The following SMAP1 variants were observed in gnomAD, a reference collection of about 807,000 sequenced individuals.
SMAP1 encodes small ArfGAP 1.
In SMAP1, 24 loss-of-function variants were observed where a neutral mutation model predicts 58.5. The ratio of observed to expected loss-of-function variants is 0.41; its 90% confidence interval spans 0.30 to 0.58. The LOEUF (loss-of-function observed/expected upper bound fraction) is 0.58. Among genes scored for constraint, SMAP1 ranks in the 20% least tolerant of loss-of-function variants. The probability of loss-of-function intolerance (pLI) is 0.29; values close to 1 mark genes in which losing one functional copy is unlikely to be tolerated. For missense variants in SMAP1, 563 were observed against 566.3 expected (o/e 0.99, Z 0.06); for synonymous variants, 216 against 196.6 (o/e 1.10, Z -0.82).
At chr6:70,681,471 C>T (rs956598042) in intron 1 of SMAP1, among the ~76,000 whole-genome samples, 3 of 152,124 alleles carry the variant, frequency 2.0e-5, no homozygotes, top group South Asian at 2.1e-4. Flanking sequence ...TTACTTCTTT[C>T]GCTGATGTTA....
intron 3 of SMAP1, among the ~76,000 whole-genome samples, chr6:70,760,105 C>T (rs1766688043): frequency 1.3e-5 from 2 of 152,022 alleles, no homozygotes; most frequent in Non-Finnish European, 2.9e-5. Flanking sequence ...TGAGTAAAAT[C>T]AGTGCTGCCA....
intron 6 of SMAP1, among the ~76,000 whole-genome samples, chr6:70,807,857 C>G (rs1769205276): frequency 6.6e-6 from 1 of 152,036 alleles, no homozygotes; most frequent in African/African-American, 2.4e-5. Context: ...CCTCATATAA[C>G]TTTTGATTCC....
chr6:70,837,087 T>G, intron 7 of SMAP1, 59 bp downstream of exon 7: 4 of 1,278,980 alleles, frequency 3.1e-6, no homozygotes, highest in Non-Finnish European at 4.3e-6. Context: ...AACCTTTACT[T>G]GGAGTGAATA....
chr6:70,736,754 T>G (rs1765632939), intron 2 of SMAP1, among the ~76,000 whole-genome samples: 1 of 152,202 alleles, frequency 6.6e-6, no homozygotes, highest in African/African-American at 2.4e-5. Flanking sequence ...TCTTAATTCT[T>G]TTCTTGCTTC....
At chr6:70,774,676 C>T (rs1262309944) in intron 4 of SMAP1, among the ~76,000 whole-genome samples, 2 of 147,532 alleles carry the variant, frequency 1.4e-5, no homozygotes, top group African/African-American at 4.9e-5. Context: ...CCCAGGAGTT[C>T]AAGACCAGGC....
intron 5 of SMAP1, among the ~76,000 whole-genome samples, chr6:70,794,361 T>C (rs1768504084): frequency 6.6e-6 from 1 of 152,218 alleles, no homozygotes; most frequent in South Asian, 2.1e-4. Flanking sequence ...CCCATGCTGT[T>C]AATATTACTT....
intron 7 of SMAP1, among the ~76,000 whole-genome samples, chr6:70,849,137 T>C (rs1771093783): frequency 1.3e-5 from 2 of 152,142 alleles, no homozygotes; most frequent in South Asian, 2.1e-4. Context: ...GAGAAAAATC[T>C]TGGTGAGGCC....
At chr6:70,695,871 T>C (rs1767381042) in intron 1 of SMAP1, among the ~76,000 whole-genome samples, 1 of 152,208 alleles carries the variant, frequency 6.6e-6, no homozygotes, top group Admixed American at 6.5e-5. Context: ...TCTTTAAATG[T>C]TTGATAGAAT....
intron 6 of SMAP1, among the ~76,000 whole-genome samples, chr6:70,808,264 A>G (rs987813646): frequency 6.6e-6 from 1 of 152,162 alleles, no homozygotes; most frequent in African/African-American, 2.4e-5. Context: ...GAAACTTCTG[A>G]TCATGTGTTA....
chr6:70,689,016 T>G (rs1030245614), intron 1 of SMAP1, among the ~76,000 whole-genome samples: 2 of 152,100 alleles, frequency 1.3e-5, no homozygotes, highest in Non-Finnish European at 1.5e-5. Flanking sequence ...TTTGAGAACA[T>G]TTAGACAGAG....
At chr6:70,855,049 T>TACA (rs1405664465) in intron 8 of SMAP1, among the ~76,000 whole-genome samples, 26 of 148,462 alleles carry the variant, frequency 1.8e-4, no homozygotes, top group Admixed American at 7.6e-4. Context: ...TTCCTGTTCT[T>TACA]TCATATACAT....
At chr6:70,770,063 G>A (rs547140292) in intron 3 of SMAP1, among the ~76,000 whole-genome samples, 2 of 151,644 alleles carry the variant, frequency 1.3e-5, no homozygotes, top group East Asian at 1.9e-4. Context: ...TTTTAAGAAT[G>A]TTGAATATTG....
intron 6 of SMAP1, among the ~76,000 whole-genome samples, chr6:70,821,622 CT>C (rs1769895242): frequency 6.6e-6 from 1 of 152,116 alleles, no homozygotes; most frequent in Admixed American, 6.5e-5. Flanking sequence ...TTGCTCTGTT[CT>C]TACTGTTTTG....
At chr6:70,808,123 A>G (rs940041505) in intron 6 of SMAP1, among the ~76,000 whole-genome samples, 1 of 152,140 alleles carries the variant, frequency 6.6e-6, no homozygotes, top group Non-Finnish European at 1.5e-5. Flanking sequence ...GAGGGGGAAG[A>G]AGAAGAGGAG....
At chr6:70,729,382 T>C (rs907679009) in intron 1 of SMAP1, among the ~76,000 whole-genome samples, 2 of 145,858 alleles carry the variant, frequency 1.4e-5, no homozygotes, top group Non-Finnish European at 1.5e-5. Flanking sequence ...GAGCTTGCAG[T>C]GAGCCGAGAT....
At chr6:70,729,595 A>G (rs1765345886) in intron 1 of SMAP1, among the ~76,000 whole-genome samples, 1 of 151,716 alleles carries the variant, frequency 6.6e-6, no homozygotes, top group South Asian at 2.1e-4. Context: ...CATTCAATGG[A>G]TCTCCTGCAG....
intron 4 of SMAP1, among the ~76,000 whole-genome samples, chr6:70,789,929 A>G (rs1191650728): frequency 6.6e-6 from 1 of 152,112 alleles, no homozygotes; most frequent in Non-Finnish European, 1.5e-5. Context: ...ACTGGGTTTT[A>G]AAAGTGGCCA....
chr6:70,839,179 C>T (rs1770711166), intron 7 of SMAP1, among the ~76,000 whole-genome samples: 1 of 152,156 alleles, frequency 6.6e-6, no homozygotes, highest in African/African-American at 2.4e-5. Context: ...TCAGCTAGGG[C>T]AGCTCTACTG....
At chr6:70,766,840 A>G (rs928588235) in intron 3 of SMAP1, among the ~76,000 whole-genome samples, 4 of 152,070 alleles carry the variant, frequency 2.6e-5, no homozygotes, top group Non-Finnish European at 4.4e-5. Flanking sequence ...GTCCTGAATG[A>G]TAATGCCTAG....
Sources: allele counts gnomAD v4.1 joint callset (sites outside exome capture counted in the v4.1 genomes callset), GRCh38; gene constraint gnomAD v4.1.1; transcripts MANE v1.5; gene names NCBI Gene and HGNC (gene_info 2026-07-23, HGNC 2026-07-21).